Variants in NREP observed in about 807,000 individuals in gnomAD.
NREP encodes neuronal regeneration related protein, also known as neuronal regeneration-related protein.
NREP carries 5 observed loss-of-function variants against 8.6 expected under a neutral mutation model. The observed-to-expected ratio is 0.58, with a 90% CI of 0.30 to 1.22. NREP has a LOEUF of 1.22. Ranked by LOEUF, NREP falls within the 50% of genes most tolerant of loss-of-function variation. The pLI is 0.07. For synonymous variants in NREP, 27 were observed against 28.0 expected (o/e 0.96, Z 0.11); for missense variants, 86 against 82.5 (o/e 1.04, Z -0.17).
At chr5:111,941,000 T>C (rs184787928) in intron 2 of NREP, among the ~76,000 whole-genome samples, 9 of 152,252 alleles carry the variant, frequency 5.9e-5, no homozygotes, top group African/African-American at 4.8e-5. Context: ...ATTTATGTTT[T>C]ATAAAACACA....
At chr5:111,808,942 TATTATA>T (rs1380271984) in intron 2 of NREP, among the ~76,000 whole-genome samples, 12 of 152,340 alleles carry the variant, frequency 7.9e-5, no homozygotes, top group Non-Finnish European at 1.0e-4. Flanking sequence ...AGCATTACAC[TATTATA>T]ATTATGTTAT....
chr5:111,797,271 C>T (rs1447968262), intron 2 of NREP, among the ~76,000 whole-genome samples: 5 of 152,154 alleles, frequency 3.3e-5, no homozygotes, highest in Admixed American at 3.3e-4. Context: ...AATTTAAAAG[C>T]TTACAGCTTG....
chr5:111,900,398 A>G (rs1428511091), intron 2 of NREP, among the ~76,000 whole-genome samples: 1 of 152,068 alleles, frequency 6.6e-6, no homozygotes, highest in Non-Finnish European at 1.5e-5. Flanking sequence ...CAAAATTAGT[A>G]GAAGAGAAAT....
chr5:111,958,829 A>C (rs111760045), intron 2 of NREP, among the ~76,000 whole-genome samples: 534 of 151,674 alleles, frequency 3.5e-3, no homozygotes, highest in African/African-American at 0.012. Flanking sequence ...GAATATCAAG[A>C]ATTTTTTTAA....
chr5:111,885,805 T>A (rs931585896), intron 2 of NREP, among the ~76,000 whole-genome samples: 4 of 152,222 alleles, frequency 2.6e-5, no homozygotes, highest in African/African-American at 7.2e-5. Flanking sequence ...TCCTTCCACC[T>A]TATACAAAAA....
chr5:111,789,832 AAAT>A (rs1180438632), intron 2 of NREP, among the ~76,000 whole-genome samples: 2 of 152,210 alleles, frequency 1.3e-5, no homozygotes, highest in African/African-American at 4.8e-5. Flanking sequence ...AAAAATAGGC[AAAT>A]AACTATAAGA....
intron 2 of NREP, among the ~76,000 whole-genome samples, chr5:111,785,553 C>T (rs925421344): frequency 2.0e-5 from 3 of 152,186 alleles, no homozygotes; most frequent in African/African-American, 7.2e-5. Flanking sequence ...GCTGGGATTA[C>T]AGGCATGAAC....
intron 2 of NREP, among the ~76,000 whole-genome samples, chr5:111,869,823 A>G (rs1026488073): frequency 1.8e-4 from 28 of 152,194 alleles, no homozygotes. Flanking sequence ...AGGTAAAAAG[A>G]GGAGGGACCA....
chr5:111,750,928 G>A (rs1750321355), intron 2 of NREP, among the ~76,000 whole-genome samples: 1 of 152,130 alleles, frequency 6.6e-6, no homozygotes, highest in Non-Finnish European at 1.5e-5. Flanking sequence ...ACCGCACTTT[G>A]TTTTATCCCT....
At position 111,755,793 on chromosome 5, in the gene NREP, G is replaced by C; in HGVS notation, c.-21C>G. On this transcript the variant is annotated 5_prime_UTR_variant, in exon 2 of 4. Coordinates refer to ENST00000257435, the MANE Select transcript of NREP (RefSeq NM_004772.4). ...ACCATTTTGAGAATCTTAGTCTTGG[G>C]CTTCTATTCTCCCTCTCTTCAGTCC... The C allele has an allele frequency of 6.2e-7, 1 of 1,613,798 alleles. No homozygotes were observed.
intron 2 of NREP, among the ~76,000 whole-genome samples, chr5:111,826,667 T>C (rs1458452073): frequency 6.6e-6 from 1 of 152,220 alleles, no homozygotes; most frequent in African/African-American, 2.4e-5. Context: ...CACCAGTAGC[T>C]GGGATTATAG....
At chr5:111,744,155 A>T (rs1331934739) in intron 2 of NREP, among the ~76,000 whole-genome samples, 2 of 152,138 alleles carry the variant, frequency 1.3e-5, no homozygotes, top group East Asian at 1.9e-4. Context: ...CGAAGTGCTC[A>T]TTCCAAAAGA....
At chr5:111,811,007 G>A (rs1225257874) in intron 2 of NREP, among the ~76,000 whole-genome samples, 1 of 152,122 alleles carries the variant, frequency 6.6e-6, no homozygotes, top group African/African-American at 2.4e-5. Context: ...AAAAAACAAG[G>A]AGCTTTACAT....
intron 2 of NREP, among the ~76,000 whole-genome samples, chr5:111,830,587 A>G (rs1009060753): frequency 6.6e-6 from 1 of 152,228 alleles, no homozygotes; most frequent in African/African-American, 2.4e-5. Flanking sequence ...GCAAAGACAT[A>G]TTTATTGGCA....
At chr5:111,869,598 G>C (rs1462476108) in intron 2 of NREP, among the ~76,000 whole-genome samples, 3 of 152,148 alleles carry the variant, frequency 2.0e-5, no homozygotes, top group African/African-American at 7.2e-5. Context: ...GCTAACTCAG[G>C]CTCTACTGTC....
intron 2 of NREP, among the ~76,000 whole-genome samples, chr5:111,908,686 C>T (rs933683527): frequency 1.3e-5 from 2 of 151,792 alleles, no homozygotes; most frequent in Non-Finnish European, 2.9e-5. Context: ...TTGATGGGCA[C>T]CTTGGTTGAC....
intron 2 of NREP, 108 bp downstream of exon 2, chr5:111,755,662 G>C (rs1750653405): frequency 1.6e-6 from 2 of 1,214,044 alleles, no homozygotes; most frequent in Non-Finnish European, 1.2e-6. Context: ...AGGTCAGATG[G>C]GGTGTAGAAC....
intron 2 of NREP, among the ~76,000 whole-genome samples, chr5:111,809,486 C>A (rs73223690): frequency 0.035 from 5,309 of 152,214 alleles, 307 homozygotes; most frequent in African/African-American, 0.12. Flanking sequence ...TCATGAATGG[C>A]TCAATGCCAT....
At chr5:111,758,056 C>A, upstream of NREP, 1 of 985,566 alleles carries the variant, frequency 1.0e-6, no homozygotes, top group Non-Finnish European at 1.2e-6. Flanking sequence ...GGCGCGGAGC[C>A]GCGCTCAGAC....
Sources: allele counts gnomAD v4.1 joint callset (sites outside exome capture counted in the v4.1 genomes callset), GRCh38; gene constraint gnomAD v4.1.1; transcripts MANE v1.5; gene names NCBI Gene and HGNC (gene_info 2026-07-23, HGNC 2026-07-21).